SYBU: variants seen among roughly 807,000 people sequenced by gnomAD.
SYBU encodes the protein GOLSYN A protein.
A neutral mutation model predicts 35.9 loss-of-function variants in SYBU; 21 were observed. That is an observed-to-expected ratio of 0.58 (90% CI 0.41 to 0.84). The LOEUF is 0.84. Ranked by LOEUF, SYBU falls within the 40% of genes least tolerant of loss-of-function variation. The pLI is 0.00. For missense variants in SYBU, 768 were observed against 848.2 expected (o/e 0.91, Z 1.17); for synonymous variants, 319 against 324.3 (o/e 0.98, Z 0.18).
At chr8:109,659,969 C>G (rs1816502096) in intron 1 of SYBU, among the ~76,000 whole-genome samples, 1 of 151,956 alleles carries the variant, frequency 6.6e-6, no homozygotes. Context: ...GCCTTTATAT[C>G]AACCTTAACA....
At chr8:109,618,176 G>C (rs1812025996) in intron 3 of SYBU, among the ~76,000 whole-genome samples, 1 of 152,188 alleles carries the variant, frequency 6.6e-6, no homozygotes, top group South Asian at 2.1e-4. Flanking sequence ...TTACTTTAAA[G>C]TAAATATACT....
intron 4 of SYBU, chr8:109,585,595 C>T (rs1193615323): frequency 6.4e-6 from 1 of 156,356 alleles, no homozygotes; most frequent in Admixed American, 6.1e-5. Context: ...ACTCCTTCCC[C>T]AGGTAAATGC....
chr8:109,659,627 A>C (rs1816487841), intron 1 of SYBU, among the ~76,000 whole-genome samples: 1 of 152,200 alleles, frequency 6.6e-6, no homozygotes, highest in Non-Finnish European at 1.5e-5. Flanking sequence ...TCATAAGAGC[A>C]CTTCAATTCT....
At chr8:109,655,496 G>A (rs912276608) in intron 1 of SYBU, among the ~76,000 whole-genome samples, 2 of 152,138 alleles carry the variant, frequency 1.3e-5, no homozygotes, top group African/African-American at 4.8e-5. Context: ...AACTTGAAAG[G>A]CTTCTGCCAA....
rs145924926 is a variant in SYBU at position 109,605,296 on chromosome 8, T to G, written c.427+13546A>C. On this transcript the variant is annotated intron_variant, in intron 3 of 6. Coordinates refer to ENST00000276646, the MANE Select transcript of SYBU (RefSeq NM_001099754.2). ...GTGGGGATATTGCTAAGGATTTAAT[T>G]GTTCCATTGCAACTTTAAAATAGAA... Among the ~76,000 whole-genome samples the G allele has an allele frequency of 2.4e-4, 36 of 152,350 alleles. No individual in the cohort carries two copies. In the East Asian group the frequency reaches 6.8e-3, roughly 29 times the overall value.
rs752018817 is a variant in SYBU at position 109,579,756 on chromosome 8, G to A, written c.734+43C>T. 8 of 1,553,576 alleles carry A rather than the reference G, an allele frequency of 5.1e-6. No individual in the cohort carries two copies. The South Asian group carries it at 9.0e-5, about 17-fold the overall frequency. Reference sequence around the variant, plus strand: ...TCTTTTTTAAAGAAAAGCTTACCAAGTAGGACAAACTAAGATGCATGAATT... The same window carrying A: ...TCTTTTTTAAAGAAAAGCTTACCAAATAGGACAAACTAAGATGCATGAATT... On this transcript the variant is annotated intron_variant, in intron 5 of 6. Transcript: ENST00000276646.
chr8:109,642,643 A>G (rs1297894273), intron 2 of SYBU, 85 bp downstream of exon 2: 1 of 865,614 alleles, frequency 1.2e-6, no homozygotes, highest in Non-Finnish European at 1.7e-6. Context: ...GTTCTAGGCT[A>G]TAAGGGACCC....
rs1040393507 is a variant in SYBU, at chr8:109,691,043, T to C, written c.-58+290A>G. ...GGCCTATACATTAGCCTGGCTAATC[T>C]TGCTCGTTGCAACAAGGAGTCCAGC... On this transcript the variant is annotated intron_variant, in intron 1 of 7. Transcript: ENST00000422135. This position sits in a 1 kb window ranked among gnomAD's most constrained non-coding sequence, Gnocchi z 4.7. 6.6e-6 allele frequency among the ~76,000 whole-genome samples: 1 copy of C among 152,186 alleles called. No homozygotes were observed. The highest frequency in any genetic ancestry group is 1.5e-5 in the Non-Finnish European group (1 of 68,034).
intron 3 of SYBU, among the ~76,000 whole-genome samples, chr8:109,595,742 T>C (rs1824798008): frequency 6.6e-6 from 1 of 152,014 alleles, no homozygotes; most frequent in South Asian, 2.1e-4. Flanking sequence ...CACACAGAGA[T>C]GGTAATGCTG....
chr8:109,664,085 T>C (rs1444911896), intron 1 of SYBU, among the ~76,000 whole-genome samples: 1 of 152,200 alleles, frequency 6.6e-6, no homozygotes, highest in Admixed American at 6.5e-5. Context: ...ACAATGTATT[T>C]AGGAAACAAG....
rs370208959 is a variant in SYBU at position 109,615,753 on chromosome 8, T to G, written c.427+3089A>C. The stretch of plus-strand genomic sequence containing the variant: ...GTTAACAAAAGCGGTTGTTTGAGGC[T>G]TTGGCTTTGGGGAAGGGTCATTGAA... On this transcript the variant is annotated intron_variant, in intron 3 of 6. Coordinates refer to ENST00000276646, the MANE Select transcript of SYBU (RefSeq NM_001099754.2). Among the ~76,000 whole-genome samples the G allele has an allele frequency of 5.3e-5, 8 of 152,246 alleles. No individual in the cohort carries two copies. The East Asian group carries it at 1.5e-3, about 29-fold the overall frequency.
chr8:109,583,009 GC>G (rs774794040), intron 4 of SYBU, among the ~76,000 whole-genome samples: 5 of 151,980 alleles, frequency 3.3e-5, no homozygotes, highest in Non-Finnish European at 4.4e-5. Context: ...TGTTGTTTAG[GC>G]CATCCAGTCT....
chr8:109,601,981 T>C (rs1393226155), intron 3 of SYBU, among the ~76,000 whole-genome samples: 4 of 152,122 alleles, frequency 2.6e-5, no homozygotes, highest in Non-Finnish European at 5.9e-5. Context: ...GACAGCAATA[T>C]CTGAAGGAGA....
chr8:109,617,597 T>C (rs1180920265), intron 3 of SYBU, among the ~76,000 whole-genome samples: 1 of 152,202 alleles, frequency 6.6e-6, no homozygotes, highest in African/African-American at 2.4e-5. Context: ...CTTTAACTCA[T>C]TGTCTCTTTC....
intron 1 of SYBU, chr8:109,680,240 C>T (rs2130782563): frequency 6.6e-6 from 1 of 152,322 alleles, no homozygotes; most frequent in East Asian, 1.9e-4. Flanking sequence ...CTGGGATAAA[C>T]TCTAAATAGA....
At chr8:109,586,416 A>C (rs1341856640) in intron 3 of SYBU, 1 of 469,906 alleles carries the variant, frequency 2.1e-6, no homozygotes, top group Non-Finnish European at 3.8e-6. Flanking sequence ...CTTCCTGCAG[A>C]CACTGTCAAC....
chr8:109,588,660 G>A (rs1022026315), intron 3 of SYBU, among the ~76,000 whole-genome samples: 24 of 152,102 alleles, frequency 1.6e-4, no homozygotes, highest in African/African-American at 5.8e-4. Context: ...CTTTCTTCAT[G>A]TACTAAGCAA....
At chr8:109,643,236 C>T in intron 1 of SYBU, 3 of 1,037,566 alleles carry the variant, frequency 2.9e-6, no homozygotes, top group South Asian at 4.7e-5. Context: ...TCCTGACTCA[C>T]CTTCCCACCC....
At chr8:109,633,729 T>A (rs576222004) in intron 2 of SYBU, among the ~76,000 whole-genome samples, 28 of 152,126 alleles carry the variant, frequency 1.8e-4, no homozygotes, top group South Asian at 8.3e-4. Context: ...CTAATTATCT[T>A]TTTTATTATT....
Sources: gnomAD v4.1 joint callset for allele counts (sites outside exome capture counted in the v4.1 genomes callset) on GRCh38, gnomAD v4.1.1 for gene constraint, Gnocchi (gnomAD v3.1) non-coding constraint, MANE v1.5 for transcripts, NCBI Gene and HGNC (gene_info 2026-07-23, HGNC 2026-07-21) for gene names.